FRAS1: variants seen among roughly 807,000 people sequenced by gnomAD.
The protein encoded by FRAS1 is Fraser extracellular matrix complex subunit 1.
Under a neutral mutation model 435.2 loss-of-function variants are expected in FRAS1, and 290 were observed. The observed-to-expected ratio is 0.67, with a 90% CI of 0.61 to 0.73. The LOEUF (loss-of-function observed/expected upper bound fraction) is 0.73. Ranked by LOEUF, FRAS1 falls within the 30% of genes least tolerant of loss-of-function variation. The probability of loss-of-function intolerance (pLI) is 0.00; values close to 1 mark genes in which losing one functional copy is unlikely to be tolerated. For missense variants in FRAS1, 4,860 were observed against 5,001.5 expected, an observed-to-expected ratio of 0.97 and a Z score of 0.85; for synonymous variants, 1,800 against 1,851.0, an observed-to-expected ratio of 0.97 and a Z score of 0.71.
intron 2 of FRAS1, among the ~76,000 whole-genome samples, chr4:78,087,407 G>T (rs1741243523): frequency 6.6e-6 from 1 of 152,074 alleles, no homozygotes; most frequent in South Asian, 2.1e-4. Flanking sequence ...TCAACATAGT[G>T]TTGGAAGTTC....
chr4:78,191,168 T>A (rs1461515813), intron 2 of FRAS1, among the ~76,000 whole-genome samples: 2 of 152,236 alleles, frequency 1.3e-5, no homozygotes, highest in East Asian at 3.8e-4. Context: ...CCACCCAGTC[T>A]ACGTATATTG....
chr4:78,419,372 A>G (rs896918672), intron 33 of FRAS1, among the ~76,000 whole-genome samples: 2 of 152,212 alleles, frequency 1.3e-5, no homozygotes, highest in Admixed American at 1.3e-4. Flanking sequence ...CTGGACACAT[A>G]GCCATTGTCT....
intron 69 of FRAS1, among the ~76,000 whole-genome samples, chr4:78,524,068 G>A (rs1316312711): frequency 6.6e-6 from 1 of 152,148 alleles, no homozygotes; most frequent in Non-Finnish European, 1.5e-5. Flanking sequence ...TTCCCATACA[G>A]TACTAGCAGC....
chr4:78,324,133 T>G (rs952161518), intron 18 of FRAS1, among the ~76,000 whole-genome samples: 4 of 152,224 alleles, frequency 2.6e-5, no homozygotes, highest in Admixed American at 2.0e-4. Flanking sequence ...TCCTCGTTTT[T>G]GTTTTTTCTC....
intron 4 of FRAS1, 119 bp downstream of exon 4, chr4:78,245,444 G>A: frequency 2.8e-6 from 2 of 709,010 alleles, no homozygotes; most frequent in South Asian, 3.4e-5. Flanking sequence ...TGGAGGATCT[G>A]AAGCCCATTT....
chr4:78,439,215 A>G (rs766951773), intron 40 of FRAS1, among the ~76,000 whole-genome samples, 151 bp downstream of exon 40: 1 of 152,242 alleles, frequency 6.6e-6, no homozygotes, highest in Non-Finnish European at 1.5e-5. Flanking sequence ...GTTTTCAATC[A>G]TGAGTGTTTT....
At chr4:78,392,254 A>G (rs747933293) in intron 29 of FRAS1, among the ~76,000 whole-genome samples, 1 of 152,134 alleles carries the variant, frequency 6.6e-6, no homozygotes, top group Non-Finnish European at 1.5e-5. Context: ...ATTAAATTTT[A>G]ATAGCTATGA....
intron 2 of FRAS1, among the ~76,000 whole-genome samples, chr4:78,118,131 C>G (rs981664247): frequency 6.6e-6 from 1 of 152,148 alleles, no homozygotes; most frequent in Non-Finnish European, 1.5e-5. Flanking sequence ...AGCAGCGGAG[C>G]CTGCAGAACA....
intron 42 of FRAS1, chr4:78,446,077 A>C (rs1423960512): frequency 3.6e-6 from 4 of 1,109,608 alleles, no homozygotes; most frequent in Middle Eastern, 3.9e-4. Context: ...ATTTTACTGC[A>C]TTTATTTATT....
intron 20 of FRAS1, among the ~76,000 whole-genome samples, chr4:78,357,763 C>A (rs1295492856): frequency 6.6e-6 from 1 of 152,048 alleles, no homozygotes; most frequent in Non-Finnish European, 1.5e-5. Flanking sequence ...ATTAGGCGGA[C>A]CCGGTGGTAC....
intron 2 of FRAS1, among the ~76,000 whole-genome samples, chr4:78,088,191 T>G (rs1254940218): frequency 6.6e-6 from 1 of 152,208 alleles, no homozygotes; most frequent in Middle Eastern, 3.2e-3. Context: ...GATTCCCTAT[T>G]TAGTAAATGA....
At chr4:78,314,355 C>A (rs1191426003) in intron 15 of FRAS1, among the ~76,000 whole-genome samples, 1 of 152,076 alleles carries the variant, frequency 6.6e-6, no homozygotes, top group African/African-American at 2.4e-5. Flanking sequence ...CATCACTTGT[C>A]CCCCAAGACA....
At chr4:78,304,093 T>C (rs577498344) in intron 14 of FRAS1, among the ~76,000 whole-genome samples, 51,090 of 145,360 alleles carry the variant, frequency 0.35, 10,083 homozygotes, top group African/African-American at 0.5. Context: ...CAAAGGCCTT[T>C]TCTGCATCTA....
intron 35 of FRAS1, among the ~76,000 whole-genome samples, chr4:78,427,124 G>C (rs1007915773): frequency 6.6e-5 from 10 of 152,178 alleles, no homozygotes; most frequent in African/African-American, 2.4e-4. Context: ...AAACCTGAAG[G>C]CTCTGCCCTC....
chr4:78,308,981 T>C (rs1728906861), intron 15 of FRAS1, among the ~76,000 whole-genome samples: 1 of 152,164 alleles, frequency 6.6e-6, no homozygotes, highest in Admixed American at 6.5e-5. Flanking sequence ...AAGTTAAGGA[T>C]CTTGATGTGA....
Position 78,237,512 on chromosome 4 carries a change from T to A in FRAS1, c.111T>A (p.Asp37Glu). The change falls in exon 3 of 74, where the codon GAT becomes GAA. Residue 37 changes from aspartate (D) to glutamate (E), a missense_variant and splice_region_variant. By Grantham distance (45) the Asp-to-Glu change is conservative. Transcript: ENST00000512123. ...ACVYQDSLLA[D>E]ATIWKPDSCQ... Reference sequence around the variant, plus strand: ...TCAGAGCTTATGCCTCTTTACAGGATGCCACAATTTGGAAGCCCGATTCAT... The same window carrying A: ...TCAGAGCTTATGCCTCTTTACAGGAAGCCACAATTTGGAAGCCCGATTCAT... The A allele has an allele frequency of 6.2e-7, 1 of 1,612,262 alleles. No individual in the cohort carries two copies. Among genetic ancestry groups the A allele is most frequent in the Admixed American group, 1.7e-5 (1 of 60,010 alleles).
intron 2 of FRAS1, chr4:78,180,908 A>T: frequency 6.2e-7 from 1 of 1,604,848 alleles, no homozygotes; most frequent in South Asian, 1.1e-5. Context: ...CCACATCAGG[A>T]GCAGAAGTAC....
At chr4:78,237,684 T>C in intron 3 of FRAS1, 67 bp downstream of exon 3, 2 of 781,336 alleles carry the variant, frequency 2.6e-6, no homozygotes, top group East Asian at 5.5e-5. Flanking sequence ...TTTTGGATCA[T>C]TTCAGACATC....
intron 4 of FRAS1, among the ~76,000 whole-genome samples, chr4:78,250,045 T>C (rs185064533): frequency 6.7e-4 from 102 of 152,248 alleles, no homozygotes; most frequent in Admixed American, 1.8e-3. Flanking sequence ...CAAATATATA[T>C]AATTTAAAGA....
Sources: allele counts gnomAD v4.1 joint callset (sites outside exome capture counted in the v4.1 genomes callset), GRCh38; gene constraint gnomAD v4.1.1; transcripts MANE v1.5; gene names NCBI Gene and HGNC (gene_info 2026-07-23, HGNC 2026-07-21).